Variants in EXOC6B observed in about 807,000 individuals in gnomAD.
The protein encoded by EXOC6B is SEC15 homolog B.
EXOC6B carries 54 observed loss-of-function variants against 113.5 expected under a neutral mutation model. The ratio of observed to expected loss-of-function variants is 0.48; its 90% CI spans 0.38 to 0.60. The LOEUF (loss-of-function observed/expected upper bound fraction) is 0.60, where lower values mean the gene tolerates loss of function less well. Ranked by LOEUF, EXOC6B falls within the 20% of genes least tolerant of loss-of-function variation. The pLI is 0.00. For missense variants in EXOC6B, 797 were observed against 977.5 expected (o/e 0.82, Z 2.46); for synonymous variants, 357 against 339.0 (o/e 1.05, Z -0.58).
At chr2:72,806,261 T>C (rs1016362037) in intron 1 of EXOC6B, among the ~76,000 whole-genome samples, 1 of 152,222 alleles carries the variant, frequency 6.6e-6, no homozygotes, top group Non-Finnish European at 1.5e-5. Context: ...CTTCCACTTA[T>C]AAGTGAGAAT....
At chr2:72,215,429 C>T (rs960568287) in intron 20 of EXOC6B, among the ~76,000 whole-genome samples, 12 of 152,162 alleles carry the variant, frequency 7.9e-5, no homozygotes, top group African/African-American at 2.7e-4. Flanking sequence ...TCACACAACG[C>T]TTATTACCTA....
At chr2:72,809,972 T>C (rs1446534167) in intron 1 of EXOC6B, among the ~76,000 whole-genome samples, 1 of 152,038 alleles carries the variant, frequency 6.6e-6, no homozygotes, top group Non-Finnish European at 1.5e-5. Flanking sequence ...ACAGAACATA[T>C]ACCAAGAAAA....
chr2:72,333,520 C>T (rs1188742914), intron 20 of EXOC6B, among the ~76,000 whole-genome samples: 1 of 152,110 alleles, frequency 6.6e-6, no homozygotes, highest in Non-Finnish European at 1.5e-5. Flanking sequence ...CAACAGATAT[C>T]ACTCCACAAA....
At chr2:72,798,965 G>A (rs935561437) in intron 1 of EXOC6B, among the ~76,000 whole-genome samples, 5 of 152,234 alleles carry the variant, frequency 3.3e-5, no homozygotes, top group African/African-American at 1.2e-4. Context: ...AAGGTTGGGT[G>A]TGGTGGCTCA....
intron 20 of EXOC6B, among the ~76,000 whole-genome samples, chr2:72,266,823 T>C (rs978527753): frequency 3.9e-5 from 6 of 152,196 alleles, no homozygotes; most frequent in East Asian, 3.8e-4. Context: ...GGGGATGGCA[T>C]TGAATTTATA....
chr2:72,250,154 A>G (rs888860907), intron 20 of EXOC6B, among the ~76,000 whole-genome samples: 5 of 152,354 alleles, frequency 3.3e-5, no homozygotes, highest in Admixed American at 3.3e-4. Context: ...AGAGGAATCT[A>G]TGATCAAGTT....
intron 18 of EXOC6B, among the ~76,000 whole-genome samples, chr2:72,412,382 C>G (rs1694238907): frequency 6.6e-6 from 1 of 152,166 alleles, no homozygotes; most frequent in African/African-American, 2.4e-5. Flanking sequence ...GAACACTGCT[C>G]TAGGTAACAA....
chr2:72,217,642 A>C (rs1680621587), intron 20 of EXOC6B, among the ~76,000 whole-genome samples: 1 of 152,208 alleles, frequency 6.6e-6, no homozygotes. Flanking sequence ...ATTTACCTTC[A>C]GAGGGCCAGA....
At chr2:72,519,154 G>A (rs551614648) in intron 8 of EXOC6B, among the ~76,000 whole-genome samples, 1 of 152,236 alleles carries the variant, frequency 6.6e-6, no homozygotes, top group Non-Finnish European at 1.5e-5. Context: ...ATGTGCAGAG[G>A]GGTGAAAAAT....
At chr2:72,414,263 C>G (rs188556184) in intron 18 of EXOC6B, among the ~76,000 whole-genome samples, 3 of 152,202 alleles carry the variant, frequency 2.0e-5, no homozygotes, top group Non-Finnish European at 4.4e-5. Context: ...ACTGAGTATT[C>G]TACAAATAAT....
At chr2:72,624,531 A>G (rs535594472) in intron 6 of EXOC6B, among the ~76,000 whole-genome samples, 28 of 152,356 alleles carry the variant, frequency 1.8e-4, no homozygotes, top group African/African-American at 6.3e-4. Context: ...ATTTGAGACC[A>G]GGAATTCAAG....
chr2:72,709,299 A>C (rs1679110585), intron 6 of EXOC6B, among the ~76,000 whole-genome samples: 1 of 152,158 alleles, frequency 6.6e-6, no homozygotes, highest in South Asian at 2.1e-4. Flanking sequence ...CATCTGCCAG[A>C]GGACAAGACT....
intron 18 of EXOC6B, among the ~76,000 whole-genome samples, chr2:72,459,401 G>A (rs1697477350): frequency 6.6e-6 from 1 of 152,188 alleles, no homozygotes; most frequent in South Asian, 2.1e-4. Flanking sequence ...ATTAGGAAAA[G>A]AGGAAGTCAA....
chr2:72,385,247 A>G (rs1031546500), intron 18 of EXOC6B, among the ~76,000 whole-genome samples: 1 of 152,168 alleles, frequency 6.6e-6, no homozygotes, highest in Non-Finnish European at 1.5e-5. Context: ...GATACCAATA[A>G]CACACAATGG....
chr2:72,255,198 G>A (rs1481382464), intron 20 of EXOC6B, among the ~76,000 whole-genome samples: 1 of 152,116 alleles, frequency 6.6e-6, no homozygotes, highest in Admixed American at 6.5e-5. Flanking sequence ...CTAGTGGCAG[G>A]GATCCCTGTG....
At chr2:72,401,539 A>ATGTG (rs1693208143) in intron 18 of EXOC6B, among the ~76,000 whole-genome samples, 8 of 26,468 alleles carry the variant, frequency 3.0e-4, no homozygotes, top group East Asian at 1.7e-3. Flanking sequence ...ATATATATAT[A>ATGTG]TATATGTGTA....
intron 20 of EXOC6B, among the ~76,000 whole-genome samples, chr2:72,208,059 G>A (rs1013768636): frequency 6.6e-6 from 1 of 152,046 alleles, no homozygotes; most frequent in African/African-American, 2.4e-5. Context: ...TAACCAAAGG[G>A]ATGTCAGGTT....
rs144033964 is a variant in EXOC6B at position 72,671,852 on chromosome 2, G to A, written c.669+46251C>T. ...AAGAAAGAAGGAAAGAATGGAGGGA[G>A]GAAGAAGGAAGGAAGAAAGGAATGA... is the stretch of plus-strand genomic sequence containing the variant. On this transcript the variant is annotated intron_variant, in intron 6 of 21. Coordinates refer to ENST00000272427, the MANE Select transcript of EXOC6B (RefSeq NM_015189.3). Among the ~76,000 whole-genome samples the A allele has an allele frequency of 1.3e-3, 188 of 145,002 alleles. 1 individual carries two copies. Among genetic ancestry groups the A allele is most frequent in the African/African-American group, 2.7e-3 (104 of 38,824 alleles).
intron 20 of EXOC6B, among the ~76,000 whole-genome samples, chr2:72,244,961 C>T (rs989769279): frequency 4.6e-5 from 7 of 152,026 alleles, no homozygotes; most frequent in Non-Finnish European, 1.5e-5. Context: ...AGGAAAACTA[C>T]AAAAATATGA....
Sources: allele counts gnomAD v4.1 joint callset (sites outside exome capture counted in the v4.1 genomes callset), GRCh38; gene constraint gnomAD v4.1.1; transcripts MANE v1.5; gene names NCBI Gene and HGNC (gene_info 2026-07-23, HGNC 2026-07-21).